The following RABGAP1 variants were observed in gnomAD, a reference collection of about 807,000 sequenced individuals.
RABGAP1 encodes the protein rab GTPase-activating protein 1.
In RABGAP1, 23 loss-of-function variants were observed where a neutral mutation model predicts 137.6. That is an observed-to-expected ratio of 0.17 (90% CI 0.12 to 0.24). The LOEUF is 0.24. Ranked by LOEUF, RABGAP1 falls within the 10% of genes least tolerant of loss-of-function variation. RABGAP1 has a pLI of 1.00. For missense variants in RABGAP1, 906 were observed against 1,275.8 expected (o/e 0.71, Z 4.42); for synonymous variants, 451 against 450.7 (o/e 1.00, Z -0.01).
At chr9:123,001,812 T>C (rs1837336429) in intron 10 of RABGAP1, among the ~76,000 whole-genome samples, 2 of 152,136 alleles carry the variant, frequency 1.3e-5, no homozygotes, top group African/African-American at 4.8e-5. Flanking sequence ...TCCCAGTACA[T>C]AGTAAGTTCT....
At chr9:123,088,418 T>C (rs886877432) in intron 19 of RABGAP1, among the ~76,000 whole-genome samples, 1 of 152,180 alleles carries the variant, frequency 6.6e-6, no homozygotes, top group Admixed American at 6.5e-5. Context: ...CTCATAACTT[T>C]TGAACATGTA....
chr9:123,004,502 C>G (rs996749571), intron 10 of RABGAP1, among the ~76,000 whole-genome samples: 1 of 151,960 alleles, frequency 6.6e-6, no homozygotes, highest in Non-Finnish European at 1.5e-5. Context: ...CCAGGCTGGT[C>G]TCAAACTGGA....
intron 6 of RABGAP1, among the ~76,000 whole-genome samples, chr9:122,995,369 GATA>G (rs1305294092): frequency 6.6e-6 from 1 of 152,058 alleles, no homozygotes; most frequent in African/African-American, 2.4e-5. Flanking sequence ...CAAAGAAGGT[GATA>G]ATAATCTATC....
chr9:122,968,563 A>AT (rs1173076628), intron 2 of RABGAP1, among the ~76,000 whole-genome samples: 3 of 151,894 alleles, frequency 2.0e-5, no homozygotes, highest in Admixed American at 1.3e-4. Context: ...CAATTAAATC[A>AT]TTTTTTACCA....
At chr9:122,998,460 T>C (rs1837152385) in intron 9 of RABGAP1, 137 bp from the exon 10 acceptor site, 1 of 711,210 alleles carries the variant, frequency 1.4e-6, no homozygotes, top group Admixed American at 2.9e-5. Context: ...TGTCTAGTTA[T>C]TTTACATGTT....
intron 13 of RABGAP1, among the ~76,000 whole-genome samples, chr9:123,043,811 C>T (rs1456921268): frequency 6.6e-6 from 1 of 151,910 alleles, no homozygotes; most frequent in African/African-American, 2.4e-5. Flanking sequence ...AAATGGTTGC[C>T]TCTAAGGAAT....
chr9:123,069,149 C>G (rs1358018131), intron 14 of RABGAP1, among the ~76,000 whole-genome samples: 1 of 152,054 alleles, frequency 6.6e-6, no homozygotes, highest in Non-Finnish European at 1.5e-5. Context: ...AAATAATGTT[C>G]AGAGGAGATG....
chr9:122,987,303 A>T (rs1452996280), intron 4 of RABGAP1, among the ~76,000 whole-genome samples: 2 of 152,064 alleles, frequency 1.3e-5, no homozygotes, highest in African/African-American at 2.4e-5. Context: ...GGTAAAATAA[A>T]TTTTTTTTCC....
intron 21 of RABGAP1, among the ~76,000 whole-genome samples, chr9:123,095,907 G>C (rs1011357171): frequency 6.6e-6 from 1 of 152,014 alleles, no homozygotes; most frequent in South Asian, 2.1e-4. Flanking sequence ...ATTTATTTCT[G>C]TTGTGATCAG....
At chr9:123,025,780 C>T (rs529990514) in intron 13 of RABGAP1, among the ~76,000 whole-genome samples, 5 of 151,852 alleles carry the variant, frequency 3.3e-5, no homozygotes, top group South Asian at 2.1e-4. Context: ...AACTTTATAT[C>T]GTCATCTTTT....
intron 10 of RABGAP1, among the ~76,000 whole-genome samples, chr9:123,007,179 T>C (rs906985080): frequency 1.3e-5 from 2 of 152,050 alleles, no homozygotes; most frequent in African/African-American, 4.8e-5. Context: ...GTTCAAGTGA[T>C]TCTCCTGCCT....
intron 13 of RABGAP1, 113 bp from the exon 14 acceptor site, chr9:123,065,235 A>G (rs2034130709): frequency 2.7e-6 from 2 of 741,014 alleles, no homozygotes; most frequent in Admixed American, 2.3e-5. Context: ...ACATATGTGT[A>G]TGTATGTCCC....
chr9:122,978,718 ATGG>A (rs1835892993), intron 2 of RABGAP1, among the ~76,000 whole-genome samples: 1 of 152,168 alleles, frequency 6.6e-6, no homozygotes, highest in Non-Finnish European at 1.5e-5. Context: ...AGTGAGTCAT[ATGG>A]TAAGTGTAAT....
intron 21 of RABGAP1, among the ~76,000 whole-genome samples, chr9:123,092,128 G>GGT (rs1172153818): frequency 3.3e-5 from 5 of 152,310 alleles, no homozygotes; most frequent in African/African-American, 1.2e-4. Context: ...TAAAATTCCA[G>GGT]GTGGATTTTT....
rs779299285 is a variant in RABGAP1, at chr9:123,015,663, T to TA, written c.1643+28dup. The stretch of plus-strand genomic sequence containing the variant: ...TAAGTTATGATAGAATAGTTTTTTT[T>TA]ATCTGCAATTTTCATTTTATGGGTA... On this transcript the variant is annotated intron_variant, in intron 12 of 25. Transcript: ENST00000373647. 105 of 1,499,002 alleles carry TA rather than the reference T, an allele frequency of 7.0e-5. No homozygotes were observed. In the African/African-American group the frequency reaches 7.8e-4, roughly 11 times the overall value. 92.9% of individuals were successfully genotyped at this position (1,499,002 alleles called of 1,614,324 possible). A position where few individuals can be genotyped will look rare whatever the true frequency, so the allele number is the denominator to read the frequency against.
intron 2 of RABGAP1, among the ~76,000 whole-genome samples, chr9:122,959,098 G>A (rs1473136260): frequency 1.3e-5 from 2 of 152,054 alleles, no homozygotes; most frequent in African/African-American, 4.8e-5. Context: ...TAATAAGAGT[G>A]AATGACAGGT....
intron 1 of RABGAP1, among the ~76,000 whole-genome samples, chr9:122,949,693 CAAAAAAAAAA>C (rs60115483): frequency 9.8e-4 from 54 of 54,838 alleles, no homozygotes; most frequent in Admixed American, 2.0e-3. Flanking sequence ...GACTCTGTCT[CAAAAAAAAAA>C]AAAAAAAAGG....
At chr9:122,950,696 A>G (rs959942785) in intron 1 of RABGAP1, among the ~76,000 whole-genome samples, 1 of 152,152 alleles carries the variant, frequency 6.6e-6, no homozygotes, top group Non-Finnish European at 1.5e-5. Context: ...GGTGTCTGGC[A>G]CATATCAGAC....
intron 1 of RABGAP1, among the ~76,000 whole-genome samples, chr9:122,944,173 A>G (rs1371106270): frequency 6.6e-6 from 1 of 152,270 alleles, no homozygotes; most frequent in East Asian, 1.9e-4. Flanking sequence ...TGTAATTTCA[A>G]TATAATCAGG....
Sources: allele counts gnomAD v4.1 joint callset (sites outside exome capture counted in the v4.1 genomes callset), GRCh38; gene constraint gnomAD v4.1.1; transcripts MANE v1.5; gene names NCBI Gene and HGNC (gene_info 2026-07-23, HGNC 2026-07-21).